The following PDIA5 variants were observed in gnomAD, a reference collection of about 807,000 sequenced individuals.
PDIA5 encodes protein disulfide-isomerase A5.
In PDIA5, 58 loss-of-function variants were observed where a neutral mutation model predicts 77.6. That is an observed-to-expected ratio of 0.75 (90% CI 0.61 to 0.93). The LOEUF (loss-of-function observed/expected upper bound fraction) is 0.93. Among genes scored for constraint, PDIA5 ranks in the 40% least tolerant of loss-of-function variants. PDIA5 has a pLI of 0.00. For synonymous variants in PDIA5, 250 were observed against 252.1 expected (o/e 0.99, Z 0.08); for missense variants, 630 against 647.7 (o/e 0.97, Z 0.30).
rs554267926 is a variant in PDIA5 at position 123,137,210 on chromosome 3, T to C, written c.910+6594T>C. ...AGCCATGGATACTATCTGCCTTTTA[T>C]ATTTCTGCTAAGCTCGGCAAAACAG... On this transcript the variant is annotated intron_variant, in intron 11 of 16. Coordinates refer to ENST00000316218, the MANE Select transcript of PDIA5 (RefSeq NM_006810.4). Among the ~76,000 whole-genome samples, 33 of 152,360 alleles carry C rather than the reference T, an allele frequency of 2.2e-4. 1 individual carries two copies. The highest frequency in any genetic ancestry group is 7.2e-4 in the African/African-American group (30 of 41,584).
At chr3:123,074,217 G>C (rs1933793293) in intron 1 of PDIA5, among the ~76,000 whole-genome samples, 1 of 152,168 alleles carries the variant, frequency 6.6e-6, no homozygotes, top group Non-Finnish European at 1.5e-5. Context: ...CTAAGGCATT[G>C]GGGATAACCA....
At chr3:123,121,477 C>G (rs1411988448) in intron 8 of PDIA5, among the ~76,000 whole-genome samples, 1 of 152,184 alleles carries the variant, frequency 6.6e-6, no homozygotes, top group South Asian at 2.1e-4. Flanking sequence ...TGTAGTTTTT[C>G]AAAAATTTTT....
intron 13 of PDIA5, among the ~76,000 whole-genome samples, chr3:123,148,769 G>A (rs1935822103): frequency 6.6e-6 from 1 of 152,180 alleles, no homozygotes; most frequent in Non-Finnish European, 1.5e-5. Context: ...GTTCAGAGAG[G>A]TTAAGGGCCC....
At chr3:123,067,315 G>A in intron 1 of PDIA5, 109 bp downstream of exon 1, 1 of 964,978 alleles carries the variant, frequency 1.0e-6, no homozygotes, top group Non-Finnish European at 1.3e-6. Flanking sequence ...CTGCCCCGGG[G>A]CACCGGGATG....
chr3:123,139,863 C>T (rs552132583), intron 11 of PDIA5, among the ~76,000 whole-genome samples: 1 of 152,136 alleles, frequency 6.6e-6, no homozygotes, highest in African/African-American at 2.4e-5. Context: ...ATATGGTGGC[C>T]AATTAGACAA....
intron 7 of PDIA5, among the ~76,000 whole-genome samples, chr3:123,115,387 C>T (rs2107946755): frequency 6.6e-6 from 1 of 152,108 alleles, no homozygotes; most frequent in East Asian, 1.9e-4. Context: ...CGCTTGAGTC[C>T]AGGAGTTCAA....
intron 2 of PDIA5, among the ~76,000 whole-genome samples, chr3:123,090,031 T>C (rs1576437625): frequency 1.3e-5 from 2 of 152,244 alleles, no homozygotes; most frequent in Admixed American, 1.3e-4. Flanking sequence ...TCTGTGGCCC[T>C]GGAGAAGCAG....
intron 11 of PDIA5, among the ~76,000 whole-genome samples, chr3:123,138,054 T>G (rs936051921): frequency 6.6e-6 from 1 of 152,186 alleles, no homozygotes; most frequent in Non-Finnish European, 1.5e-5. Context: ...CAAGTGATCC[T>G]CCTGCCTCAG....
intron 10 of PDIA5, 149 bp from the exon 11 acceptor site, chr3:123,130,331 T>C (rs1935341975): frequency 2.6e-6 from 2 of 781,436 alleles, no homozygotes; most frequent in East Asian, 2.6e-5. Context: ...GGCACCTCCA[T>C]GAGGGCAGTT....
intron 1 of PDIA5, among the ~76,000 whole-genome samples, chr3:123,071,248 G>A (rs1427983453): frequency 6.6e-6 from 1 of 152,058 alleles, no homozygotes; most frequent in Non-Finnish European, 1.5e-5. Context: ...CTCACTCAAG[G>A]CCACCCAGTT....
At chr3:123,157,250 A>T (rs1936041747) in intron 15 of PDIA5, among the ~76,000 whole-genome samples, 1 of 152,188 alleles carries the variant, frequency 6.6e-6, no homozygotes, top group African/African-American at 2.4e-5. Flanking sequence ...GAAGCCAGCC[A>T]TCTGGCCTGG....
intron 11 of PDIA5, among the ~76,000 whole-genome samples, chr3:123,140,369 T>A (rs182217228): frequency 6.7e-6 from 1 of 148,854 alleles, no homozygotes; most frequent in Non-Finnish European, 1.5e-5. Context: ...TCTGATCTGA[T>A]TGATGTTTTG....
At chr3:123,131,933 T>C (rs889433258) in intron 11 of PDIA5, among the ~76,000 whole-genome samples, 1 of 152,010 alleles carries the variant, frequency 6.6e-6, no homozygotes, top group Non-Finnish European at 1.5e-5. Flanking sequence ...GGAGCAGGGC[T>C]GAAATCGTGA....
At chr3:123,149,144 G>T (rs1448778592) in intron 13 of PDIA5, among the ~76,000 whole-genome samples, 1 of 152,220 alleles carries the variant, frequency 6.6e-6, no homozygotes, top group Non-Finnish European at 1.5e-5. Context: ...GAGGCAGGGA[G>T]ACTGATTTGG....
chr3:123,129,475 T>C (rs906034779), intron 10 of PDIA5, among the ~76,000 whole-genome samples: 13 of 152,216 alleles, frequency 8.5e-5, no homozygotes, highest in Admixed American at 6.5e-5. Flanking sequence ...TCCCTCTGGA[T>C]TTTCCAGCCC....
At chr3:123,119,396 G>T (rs2107951530) in intron 8 of PDIA5, among the ~76,000 whole-genome samples, 1 of 152,330 alleles carries the variant, frequency 6.6e-6, no homozygotes, top group Middle Eastern at 3.4e-3. Flanking sequence ...ACCAGGTGTT[G>T]GCTGCCTTGG....
rs1192604563 is a variant in PDIA5 at position 123,092,352 on chromosome 3, C to A, written c.170-3C>A. ...TGTTTAATTTTTTGTTTTTTTTTTA[C>A]AGAGGTGGCAGCTGAAAATCATCTC... On this transcript the variant is annotated splice_region_variant and splice_polypyrimidine_tract_variant and intron_variant, in intron 2 of 16. Coordinates refer to ENST00000316218, the MANE Select transcript of PDIA5 (RefSeq NM_006810.4). The A allele has an allele frequency of 6.2e-7, 1 of 1,605,022 alleles. No individual in the cohort carries two copies. Among genetic ancestry groups the A allele is most frequent in the Non-Finnish European group, 8.5e-7 (1 of 1,172,656 alleles).
At chr3:123,131,310 C>A (rs994118090) in intron 11 of PDIA5, among the ~76,000 whole-genome samples, 1 of 151,838 alleles carries the variant, frequency 6.6e-6, no homozygotes, top group Non-Finnish European at 1.5e-5. Context: ...ATCCCAGTTA[C>A]TTGGGAGGCT....
chr3:123,075,887 G>A (rs1257727685), intron 1 of PDIA5, among the ~76,000 whole-genome samples: 1 of 152,182 alleles, frequency 6.6e-6, no homozygotes, highest in Non-Finnish European at 1.5e-5. Context: ...TTATATGGCT[G>A]GTGGTATTTT....
Sources: allele counts gnomAD v4.1 joint callset (sites outside exome capture counted in the v4.1 genomes callset), GRCh38; gene constraint gnomAD v4.1.1; transcripts MANE v1.5; gene names NCBI Gene and HGNC (gene_info 2026-07-23, HGNC 2026-07-21).